The following NTRK2 variants were observed in gnomAD, a reference collection of about 807,000 sequenced individuals.
NTRK2 encodes the protein BDNF/NT-3 growth factors receptor.
In NTRK2, 13 loss-of-function variants were observed where a neutral mutation model predicts 94.5. The ratio of observed to expected loss-of-function variants is 0.14; its 90% confidence interval spans 0.09 to 0.22. The LOEUF (loss-of-function observed/expected upper bound fraction) is 0.22, where lower values mean the gene tolerates loss of function less well. NTRK2 is among the 10% of genes least tolerant of loss of function. The pLI, the probability that NTRK2 is intolerant of heterozygous loss-of-function variation, is 1.00. For synonymous variants in NTRK2, 372 were observed against 407.4 expected (o/e 0.91, Z 1.05); for missense variants, 639 against 1,071.2 (o/e 0.60, Z 5.63).
intron 14 of NTRK2, among the ~76,000 whole-genome samples, chr9:84,923,493 G>C (rs550773796): frequency 6.6e-6 from 1 of 152,200 alleles, no homozygotes; most frequent in African/African-American, 2.4e-5. Flanking sequence ...GGTCAGGGAA[G>C]CCCCTGAATA....
intron 14 of NTRK2, among the ~76,000 whole-genome samples, chr9:84,908,472 G>C (rs1306603735): frequency 4.6e-5 from 7 of 152,112 alleles, no homozygotes; most frequent in Admixed American, 4.6e-4. Context: ...AAAACAAAGA[G>C]ATCTAATTGC....
intron 17 of NTRK2, among the ~76,000 whole-genome samples, chr9:84,960,657 G>A (rs55889333): frequency 0.11 from 17,087 of 152,100 alleles, 1,052 homozygotes; most frequent in Admixed American, 0.16. Flanking sequence ...AGCATAAGAG[G>A]AGGTTTCAGT....
chr9:84,908,273 G>A (rs10512156), intron 14 of NTRK2, among the ~76,000 whole-genome samples: 1 of 152,142 alleles, frequency 6.6e-6, no homozygotes, highest in Non-Finnish European at 1.5e-5. Flanking sequence ...AAACTGAGGT[G>A]AAGCACTTGG....
intron 14 of NTRK2, chr9:84,877,776 G>A: frequency 9.5e-7 from 1 of 1,054,774 alleles, no homozygotes; most frequent in Non-Finnish European, 1.1e-6. Context: ...AGTGACCAAT[G>A]GAGCTTGGAA....
intron 9 of NTRK2, 89 bp downstream of exon 9, chr9:84,728,048 C>G (rs2062583313): frequency 8.1e-7 from 1 of 1,227,332 alleles, no homozygotes; most frequent in Admixed American, 1.8e-5. Flanking sequence ...AGCCATCCCC[C>G]AACCTAGTGG....
At chr9:84,927,333 A>T (rs1328677540) in intron 14 of NTRK2, among the ~76,000 whole-genome samples, 1 of 152,074 alleles carries the variant, frequency 6.6e-6, no homozygotes, top group Non-Finnish European at 1.5e-5. Flanking sequence ...TCTTTGTGTC[A>T]TTTATAGTAC....
At chr9:84,772,231 T>A (rs2066621626) in intron 12 of NTRK2, among the ~76,000 whole-genome samples, 1 of 152,140 alleles carries the variant, frequency 6.6e-6, no homozygotes, top group South Asian at 2.1e-4. Context: ...TGGACATGCA[T>A]CCATTTACTT....
intron 2 of NTRK2, among the ~76,000 whole-genome samples, chr9:84,672,596 G>A (rs1265310017): frequency 6.6e-6 from 1 of 152,188 alleles, no homozygotes; most frequent in Non-Finnish European, 1.5e-5. Flanking sequence ...TGTTGTGTGT[G>A]TGTGGTGGTG....
At chr9:84,931,939 G>T (rs763389853) in intron 14 of NTRK2, among the ~76,000 whole-genome samples, 1 of 152,032 alleles carries the variant, frequency 6.6e-6, no homozygotes, top group Non-Finnish European at 1.5e-5. Context: ...AAATTCAGTC[G>T]TTGTCACTGG....
At chr9:84,877,853 A>G (rs201209197) in intron 14 of NTRK2, 15 of 1,038,174 alleles carry the variant, frequency 1.4e-5, no homozygotes, top group Non-Finnish European at 1.7e-5. Context: ...GTAGTTGATC[A>G]TTCAGAGCCA....
chr9:84,885,614 A>G (rs1001177943), intron 14 of NTRK2, among the ~76,000 whole-genome samples: 2 of 152,194 alleles, frequency 1.3e-5, no homozygotes, highest in Non-Finnish European at 2.9e-5. Flanking sequence ...ACTTTGAAAG[A>G]AAAGAAGGTA....
intron 12 of NTRK2, among the ~76,000 whole-genome samples, chr9:84,774,516 T>A (rs2066850492): frequency 6.6e-6 from 1 of 152,228 alleles, no homozygotes; most frequent in African/African-American, 2.4e-5. Context: ...GCTGCAAGGC[T>A]GTTCCAGGTG....
intron 14 of NTRK2, among the ~76,000 whole-genome samples, chr9:84,905,275 GGTGTGT>G (rs58470162): frequency 0.025 from 3,720 of 147,886 alleles, 135 homozygotes; most frequent in African/African-American, 0.069. Context: ...GGTTTTAGAG[GGTGTGT>G]GTGTGTGTGT....
intron 14 of NTRK2, among the ~76,000 whole-genome samples, chr9:84,889,224 T>G (rs913165509): frequency 1.2e-4 from 18 of 151,104 alleles, no homozygotes; most frequent in Non-Finnish European, 2.5e-4. Context: ...TCTCCTGACC[T>G]CGTGATCCGC....
In NTRK2 at chr9:84,755,947, T is replaced by C. The variant is rs115387492; in HGVS notation, c.1396+3862T>C. Reference sequence around the variant, plus strand: ...CCCAGTCAGTTTTTCCTTGTTTATTTCTGTGCCTTTACACTGTCCTATTGC... The same window carrying C: ...CCCAGTCAGTTTTTCCTTGTTTATTCCTGTGCCTTTACACTGTCCTATTGC... On this transcript the variant is annotated intron_variant, in intron 12 of 18. Transcript: ENST00000277120. 2.6e-3 allele frequency among the ~76,000 whole-genome samples: 390 copies of C among 152,282 alleles called. 4 individuals carry two copies. The highest frequency in any genetic ancestry group is 8.7e-3 in the African/African-American group (360 of 41,558).
At position 84,735,471 on chromosome 9, in the gene NTRK2, C is replaced by CCA. The variant is rs149330421; in HGVS notation, c.1160-6419_1160-6418dup. Among the ~76,000 whole-genome samples the CCA allele has an allele frequency of 9.7e-3, 1,471 of 152,266 alleles. 20 individuals are homozygous for CCA. Among genetic ancestry groups the CCA allele is most frequent in the African/African-American group, 0.034 (1,399 of 41,538 alleles). ...GGATGCCCTGCAGAAGCTGGAGGGACCACTGGAAGAACTGGTCAGGCATCC... is the reference window on the plus strand; with the variant it reads ...GGATGCCCTGCAGAAGCTGGAGGGACCACACTGGAAGAACTGGTCAGGCATCC... On this transcript the variant is annotated intron_variant, in intron 9 of 18. Coordinates refer to ENST00000277120, the MANE Select transcript of NTRK2 (RefSeq NM_006180.6).
At chr9:84,950,846 T>C in intron 16 of NTRK2, among the ~76,000 whole-genome samples, 1 of 152,186 alleles carries the variant, frequency 6.6e-6, no homozygotes, top group Non-Finnish European at 1.5e-5. Context: ...CTGCCACAAT[T>C]TCCTCTTCAT....
intron 14 of NTRK2, among the ~76,000 whole-genome samples, chr9:84,889,298 G>A (rs2076527251): frequency 6.6e-6 from 1 of 151,916 alleles, no homozygotes; most frequent in Non-Finnish European, 1.5e-5. Context: ...CCCAATGACA[G>A]CAATTTTTTA....
intron 12 of NTRK2, among the ~76,000 whole-genome samples, chr9:84,842,402 G>C (rs1483485572): frequency 1.3e-5 from 2 of 152,118 alleles, no homozygotes; most frequent in African/African-American, 4.8e-5. Context: ...TCTCATTCTG[G>C]TTCTGGATAG....
Sources: allele counts gnomAD v4.1 joint callset (sites outside exome capture counted in the v4.1 genomes callset), GRCh38; gene constraint gnomAD v4.1.1; transcripts MANE v1.5; gene names NCBI Gene and HGNC (gene_info 2026-07-23, HGNC 2026-07-21).